Variants in SPIDR observed in about 807,000 individuals in gnomAD.
SPIDR encodes DNA repair-scaffolding protein.
In SPIDR, 93 loss-of-function variants were observed where a neutral mutation model predicts 104.6. The observed-to-expected ratio is 0.89, with a 90% CI of 0.75 to 1.06. The LOEUF is 1.06. Ranked by LOEUF, SPIDR falls within the 50% of genes least tolerant of loss-of-function variation. The pLI, the probability that SPIDR is intolerant of heterozygous loss-of-function variation, is 0.00. For synonymous variants in SPIDR, 431 were observed against 416.9 expected (o/e 1.03, Z -0.41); for missense variants, 1,154 against 1,111.2 (o/e 1.04, Z -0.55).
At chr8:47,562,210 G>A (rs1781053084) in intron 8 of SPIDR, among the ~76,000 whole-genome samples, 1 of 152,060 alleles carries the variant, frequency 6.6e-6, no homozygotes, top group Non-Finnish European at 1.5e-5. Context: ...CCCATTCCTT[G>A]GATGGTATTT....
intron 10 of SPIDR, among the ~76,000 whole-genome samples, chr8:47,657,677 CTG>C (rs1307691337): frequency 1.3e-5 from 2 of 151,992 alleles, no homozygotes; most frequent in African/African-American, 4.8e-5. Flanking sequence ...GGGGTTCTCT[CTG>C]TGGTATTTCT....
chr8:47,455,382 AAAG>A (rs782577276), intron 8 of SPIDR, among the ~76,000 whole-genome samples: 5 of 152,110 alleles, frequency 3.3e-5, no homozygotes, highest in Non-Finnish European at 7.4e-5. Context: ...GAATGGGAGA[AAAG>A]AAGCAAATTA....
intron 8 of SPIDR, 27 bp downstream of exon 8, chr8:47,440,569 G>T (rs1554696245): frequency 2.5e-6 from 4 of 1,580,952 alleles, no homozygotes; most frequent in Non-Finnish European, 3.5e-6. Context: ...TAATCCAGCA[G>T]TCACCAACTG....
At chr8:47,594,358 C>T (rs1364073971) in intron 8 of SPIDR, among the ~76,000 whole-genome samples, 1 of 151,610 alleles carries the variant, frequency 6.6e-6, no homozygotes, top group East Asian at 2.0e-4. Context: ...CAGAGTAAGA[C>T]TCCATCTCAA....
chr8:47,565,037 A>G (rs1336539079), intron 8 of SPIDR, among the ~76,000 whole-genome samples: 1 of 152,156 alleles, frequency 6.6e-6, no homozygotes, highest in Non-Finnish European at 1.5e-5. Context: ...ACCTGAGGTC[A>G]GTAGTTCAAG....
intron 5 of SPIDR, among the ~76,000 whole-genome samples, chr8:47,356,636 G>A (rs2054605844): frequency 6.6e-6 from 1 of 152,114 alleles, no homozygotes. Context: ...GTGTCCCATG[G>A]GTTGACTATG....
intron 5 of SPIDR, among the ~76,000 whole-genome samples, chr8:47,331,121 T>C (rs1424349175): frequency 6.6e-6 from 1 of 152,238 alleles, no homozygotes; most frequent in Non-Finnish European, 1.5e-5. Context: ...GCATCTTTTC[T>C]TGTACTTATT....
At chr8:47,652,272 C>A (rs958021556) in intron 10 of SPIDR, among the ~76,000 whole-genome samples, 14 of 152,152 alleles carry the variant, frequency 9.2e-5, no homozygotes, top group African/African-American at 3.4e-4. Flanking sequence ...ACGCTCCCAG[C>A]AGAGACTGCA....
chr8:47,352,871 T>C (rs1302550001), intron 5 of SPIDR, among the ~76,000 whole-genome samples: 2 of 151,920 alleles, frequency 1.3e-5, no homozygotes, highest in East Asian at 3.9e-4. Context: ...CTGGCCAACG[T>C]GGTGAAACCC....
intron 16 of SPIDR, among the ~76,000 whole-genome samples, chr8:47,720,520 G>A (rs2083243418): frequency 6.6e-6 from 1 of 152,198 alleles, no homozygotes; most frequent in Non-Finnish European, 1.5e-5. Context: ...CATTCTAATA[G>A]ATGTGTAGTA....
At position 47,492,586 on chromosome 8, in the gene SPIDR, AC is replaced by A. The variant is rs145655702; in HGVS notation, c.1097+52046del. ...TTTCCATTTTCACTGCTGCCCTTTT[AC>A]CTCTTCTCTGAATCATTGCAATGGC... is the stretch of plus-strand genomic sequence containing the variant. On this transcript the variant is annotated intron_variant, in intron 8 of 19. Transcript: ENST00000297423. 4.6e-5 allele frequency among the ~76,000 whole-genome samples: 7 copies of A among 151,806 alleles called. No homozygotes were observed. In the East Asian group the frequency reaches 1.4e-3, roughly 29 times the overall value.
At chr8:47,271,139 T>C (rs2154214491) in intron 1 of SPIDR, among the ~76,000 whole-genome samples, 1 of 152,318 alleles carries the variant, frequency 6.6e-6, no homozygotes, top group South Asian at 2.1e-4. Context: ...ATATTTTCTT[T>C]TGCTACTTTC....
intron 10 of SPIDR, among the ~76,000 whole-genome samples, chr8:47,604,178 A>T (rs1175227389): frequency 6.6e-6 from 1 of 152,246 alleles, no homozygotes; most frequent in Non-Finnish European, 1.5e-5. Flanking sequence ...AATTTAGTTT[A>T]GAGGGTTCAA....
At chr8:47,544,639 T>C (rs1239526713) in intron 8 of SPIDR, among the ~76,000 whole-genome samples, 1 of 152,224 alleles carries the variant, frequency 6.6e-6, no homozygotes, top group East Asian at 1.9e-4. Context: ...TTTTGCACCT[T>C]TGTCAAAAAT....
At position 47,365,033 on chromosome 8, in the gene SPIDR, G is replaced by A. The variant is rs553823978; in HGVS notation, c.526-31343G>A. Among the ~76,000 whole-genome samples the A allele has an allele frequency of 2.0e-5, 3 of 152,350 alleles. No homozygotes were observed. The East Asian group carries it at 5.8e-4, about 29-fold the overall frequency. On this transcript the variant is annotated intron_variant, in intron 5 of 19. Coordinates refer to ENST00000297423, the MANE Select transcript of SPIDR (RefSeq NM_001080394.4). ...TACAGCACAGCATCTGTAGCAAAAG[G>A]AGTCTGCAAGTATTTTGGAGAGTAA... is the stretch of plus-strand genomic sequence containing the variant.
intron 5 of SPIDR, among the ~76,000 whole-genome samples, chr8:47,340,153 T>G (rs2154274733): frequency 1.3e-5 from 2 of 152,160 alleles, no homozygotes; most frequent in Middle Eastern, 3.4e-3. Context: ...ACCTTCCAAG[T>G]AGATGAAGTT....
chr8:47,480,493 T>C (rs1245681624), intron 8 of SPIDR, among the ~76,000 whole-genome samples: 3 of 152,220 alleles, frequency 2.0e-5, no homozygotes, highest in Non-Finnish European at 4.4e-5. Flanking sequence ...ACTTTCCAGC[T>C]CTTAAAAATG....
At chr8:47,728,863 G>T in intron 17 of SPIDR, 70 bp from the exon 18 acceptor site, 2 of 1,519,964 alleles carry the variant, frequency 1.3e-6, no homozygotes, top group Non-Finnish European at 1.8e-6. Flanking sequence ...TTAAGAAAAT[G>T]TCTCCCACTG....
At chr8:47,282,268 A>T (rs2037939572) in intron 2 of SPIDR, among the ~76,000 whole-genome samples, 1 of 152,282 alleles carries the variant, frequency 6.6e-6, no homozygotes, top group South Asian at 2.1e-4. Flanking sequence ...CAGTTGCATT[A>T]GCCCCTAATA....
Sources: gnomAD v4.1 joint callset for allele counts (sites outside exome capture counted in the v4.1 genomes callset) on GRCh38, gnomAD v4.1.1 for gene constraint, MANE v1.5 for transcripts, NCBI Gene and HGNC (gene_info 2026-07-23, HGNC 2026-07-21) for gene names.